RYR3: variants seen among roughly 807,000 people sequenced by gnomAD.
RYR3 encodes ryanodine receptor 3.
Under a neutral mutation model 584.3 loss-of-function variants are expected in RYR3, and 207 were observed. That is an observed-to-expected ratio of 0.35 (90% CI 0.32 to 0.40). The LOEUF (loss-of-function observed/expected upper bound fraction) is 0.40, where lower values mean the gene tolerates loss of function less well. Among genes scored for constraint, RYR3 ranks in the 10% least tolerant of loss-of-function variants. RYR3 has a pLI of 1.00. For missense variants in RYR3, 5,616 were observed against 6,089.2 expected, an observed-to-expected ratio of 0.92 and a Z score of 2.59; for synonymous variants, 2,416 against 2,248.5, an observed-to-expected ratio of 1.07 and a Z score of -2.11.
At position 33,540,796 on chromosome 15, in the gene RYR3, C is replaced by T; in HGVS notation, c.552C>T (p.Leu184=). 2.5e-6 allele frequency: 4 copies of T among 1,601,436 alleles called. No homozygotes were observed. The highest frequency in any genetic ancestry group is 3.4e-6 in the Non-Finnish European group (4 of 1,168,724). Residue 184 remains leucine, a synonymous_variant, in exon 7 of 104, where the codon CTC becomes CTT. Coordinates refer to ENST00000634891, the MANE Select transcript of RYR3 (RefSeq NM_001036.6). ...CATTTCTGTTTCTGCTGCAGCATCTCTCAGTATCAAATGGTAACATACAAG... is the reference window on the plus strand; with the variant it reads ...CATTTCTGTTTCTGCTGCAGCATCTTTCAGTATCAAATGGTAACATACAAG... The part of the protein sequence containing the change: ...VSVSSERYLH[L]SVSNGNIQVD...
Position 33,750,304 on chromosome 15 carries a change from T to C in RYR3, c.8399+18T>C, listed in dbSNP as rs2071153798. On this transcript the variant is annotated intron_variant, in intron 57 of 103. Transcript: ENST00000634891. ...GTTTCCAGGTAAGTCACCTTCCATG[T>C]GATGCTAGTGGGACAGGGCTGTGCC... The C allele has an allele frequency of 6.2e-7, 1 of 1,608,770 alleles. No individual in the cohort carries two copies. The highest frequency in any genetic ancestry group is 1.7e-5 in the Admixed American group (1 of 59,560).
rs375998723 is a variant in RYR3 at position 33,311,056 on chromosome 15, G to T, written c.11G>T (p.Gly4Val). 8.8e-6 allele frequency: 14 copies of T among 1,582,894 alleles called. No homozygotes were observed. The highest frequency in any genetic ancestry group is 7.1e-5 in the Admixed American group (4 of 56,648). MAE[G>V]GEGGEDEIQF... ...GACGCCTCGGGAGCCATGGCCGAAGGGGGAGAAGGAGGCGAGGACGAGATC... is the reference window on the plus strand; with the variant it reads ...GACGCCTCGGGAGCCATGGCCGAAGTGGGAGAAGGAGGCGAGGACGAGATC... The change falls in exon 1 of 104, where the codon GGG becomes GTG. Residue 4 changes from glycine to valine, a missense_variant. Physicochemically the swap from Gly to Val is moderately radical, Grantham distance 109 (BLOSUM62 -3). Coordinates refer to ENST00000634891, the MANE Select transcript of RYR3 (RefSeq NM_001036.6). This position sits in a 1 kb window ranked among gnomAD's most constrained non-coding sequence, Gnocchi z 4.4.
At chr15:33,821,192 C>G (rs1434456058) in intron 78 of RYR3, 78 bp from the exon 79 acceptor site, 2 of 1,151,906 alleles carry the variant, frequency 1.7e-6, no homozygotes, top group Non-Finnish European at 2.5e-6. Flanking sequence ...CTGGAAAATT[C>G]TCTCTCACCT....
chr15:33,861,035 T>TATTATGCCA, intron 101 of RYR3, 43 bp from the exon 102 acceptor site: 2 of 1,395,114 alleles, frequency 1.4e-6, no homozygotes, highest in South Asian at 2.5e-5. Flanking sequence ...CTCCTGCCTA[T>TATTATGCCA]ATTATGCCAA....
intron 3 of RYR3, among the ~76,000 whole-genome samples, chr15:33,510,637 C>T (rs1339940637): frequency 2.0e-5 from 3 of 147,484 alleles, no homozygotes; most frequent in Non-Finnish European, 4.5e-5. Flanking sequence ...TGAATTTTCT[C>T]GTGGAATTTT....
rs992133718 is a variant in RYR3 at position 33,786,000 on chromosome 15, C to G, written c.9589+18C>G. On this transcript the variant is annotated intron_variant, in intron 66 of 103. Transcript: ENST00000634891. ...CATTGCAGGTACCGACCCCTTTCTCCCCAGTCCCCAGCCCAGGGGCCAAGA... is the reference window on the plus strand; with the variant it reads ...CATTGCAGGTACCGACCCCTTTCTCGCCAGTCCCCAGCCCAGGGGCCAAGA... 6.6e-7 allele frequency: 1 copy of G among 1,519,494 alleles called. No individual in the cohort carries two copies. The highest frequency in any genetic ancestry group is 1.4e-5 in the African/African-American group (1 of 72,256). The allele number at this position is 1,519,494 out of a possible 1,614,324, so 94.1% of individuals were successfully genotyped here.
chr15:33,853,563 C>G lies in RYR3; in HGVS notation c.13680C>G (p.Asn4560Lys), dbSNP rs1370321493. 5.0e-6 allele frequency: 8 copies of G among 1,613,530 alleles called. No homozygotes were observed. The highest frequency in any genetic ancestry group is 6.8e-6 in the Non-Finnish European group (8 of 1,179,744). Reference sequence around the variant, plus strand: ...GTCATCCTTTGCTTCAGGTGATCAACAAGTATGGAGATCTCTACGGAGCAG... The same window carrying G: ...GTCATCCTTTGCTTCAGGTGATCAAGAAGTATGGAGATCTCTACGGAGCAG... ...WDKFVKRKVINKYGDLYGAER... is the reference protein window; with the variant it reads ...WDKFVKRKVIKKYGDLYGAER... Residue 4560 changes from asparagine (N) to lysine (K), a missense_variant, in exon 96 of 104, where the codon AAC (asparagine) becomes AAG (lysine). By Grantham distance (94) the Asn-to-Lys change is moderately conservative. Transcript: ENST00000634891.
At chr15:33,477,970 C>A (rs1031546403) in intron 2 of RYR3, among the ~76,000 whole-genome samples, 1 of 148,932 alleles carries the variant, frequency 6.7e-6, no homozygotes, top group Non-Finnish European at 1.5e-5. Context: ...TTCATTTTAT[C>A]GATAGCAAAT....
At chr15:33,621,760 GA>G (rs1400537712) in intron 19 of RYR3, among the ~76,000 whole-genome samples, 1 of 151,956 alleles carries the variant, frequency 6.6e-6, no homozygotes, top group East Asian at 1.9e-4. Context: ...TATTGGGAAG[GA>G]AAAAAACCTT....
intron 1 of RYR3, among the ~76,000 whole-genome samples, chr15:33,353,856 C>T (rs562149195): frequency 6.6e-6 from 1 of 151,982 alleles, no homozygotes; most frequent in Non-Finnish European, 1.5e-5. Flanking sequence ...CTTTGTAACA[C>T]CTATGTGAAA....
intron 66 of RYR3, 47 bp downstream of exon 66, chr15:33,786,029 C>T: frequency 1.4e-6 from 2 of 1,418,426 alleles, no homozygotes; most frequent in Non-Finnish European, 1.9e-6. Context: ...GCCAAGATAA[C>T]TGGATTCTTT....
In RYR3 at chr15:33,488,108, T is replaced by C. The variant is rs547914924; in HGVS notation, c.171+14570T>C. ...TCATCTATATTGTCCTCCTTCCTAC[T>C]TGAGTTATTAATGCTGTCTTGATAA... On this transcript the variant is annotated intron_variant, in intron 2 of 103. Transcript: ENST00000634891. 2.0e-3 allele frequency among the ~76,000 whole-genome samples: 306 copies of C among 152,350 alleles called. 1 individual carries two copies. The highest frequency in any genetic ancestry group is 7.3e-3 in the African/African-American group (303 of 41,586).
rs116122636 is a variant in RYR3, at chr15:33,781,959, T to C, written c.9268+1618T>C. On this transcript the variant is annotated intron_variant, in intron 65 of 103. Transcript: ENST00000634891. Reference sequence around the variant, plus strand: ...GGAAGCTGAGCAGCAGAGCAGACTTTGGTGAAGTTGAGAAGTGGCTGTGAC... The same window carrying C: ...GGAAGCTGAGCAGCAGAGCAGACTTCGGTGAAGTTGAGAAGTGGCTGTGAC... 4.9e-3 allele frequency among the ~76,000 whole-genome samples: 739 copies of C among 152,160 alleles called. 4 individuals are homozygous for C. Among genetic ancestry groups the C allele is most frequent in the African/African-American group, 0.017 (690 of 41,500 alleles).
intron 38 of RYR3, among the ~76,000 whole-genome samples, chr15:33,677,360 C>T (rs575627787): frequency 2.6e-5 from 4 of 152,212 alleles, no homozygotes; most frequent in South Asian, 4.1e-4. Context: ...GACAGAGGCC[C>T]GAGGTCCCTG....
At chr15:33,744,964 A>G (rs894519440) in intron 52 of RYR3, among the ~76,000 whole-genome samples, 24 of 152,296 alleles carry the variant, frequency 1.6e-4, no homozygotes, top group African/African-American at 5.3e-4. Flanking sequence ...AGTGTAGAAA[A>G]TGAATCCATG....
chr15:33,800,710 G>C lies in RYR3; in HGVS notation c.9831-60G>C, dbSNP rs190153179. The C allele has an allele frequency of 1.3e-4, 155 of 1,186,264 alleles. No individual in the cohort carries two copies. The Admixed American group carries it at 2.2e-3, about 17-fold the overall frequency. The allele number at this position is 1,186,264 out of a possible 1,614,324, so 73.5% of individuals were successfully genotyped here. A position where few individuals can be genotyped will look rare whatever the true frequency, so the allele number is the denominator to read the frequency against. ...CTCCAGTGCTGGTATAATTTTTAGA[G>C]TGTGAATATTTTAATCTCTACTGAA... On this transcript the variant is annotated intron_variant, in intron 67 of 103. Coordinates refer to ENST00000634891, the MANE Select transcript of RYR3 (RefSeq NM_001036.6).
At chr15:33,801,166 C>T (rs1024753296) in intron 68 of RYR3, among the ~76,000 whole-genome samples, 1 of 152,088 alleles carries the variant, frequency 6.6e-6, no homozygotes, top group African/African-American at 2.4e-5. Context: ...AGGTAGTGGG[C>T]GTCCAGGTCA....
chr15:33,662,837 G>A lies in RYR3; in HGVS notation c.5307G>A (p.Glu1769=). Residue 1769 remains glutamate, a synonymous_variant, in exon 35 of 104, where the codon GAG becomes GAA. Transcript: ENST00000634891. ...GGACAGAGGAGGGAGCAGAAAAGGA[G>A]GAAGTGACCCAGGTGGAGGAGAAGG... ...SAGTEEGAEK[E]EVTQVEEKAV... 6.2e-7 allele frequency: 1 copy of A among 1,613,960 alleles called. No homozygotes were observed. The highest frequency in any genetic ancestry group is 2.2e-5 in the East Asian group (1 of 44,886).
intron 67 of RYR3, among the ~76,000 whole-genome samples, chr15:33,793,876 A>T (rs950199678): frequency 2.7e-5 from 4 of 148,652 alleles, no homozygotes; most frequent in Non-Finnish European, 5.9e-5. Flanking sequence ...TATATTTAGC[A>T]TTCCAATAGA....
Sources: allele counts gnomAD v4.1 joint callset (sites outside exome capture counted in the v4.1 genomes callset), GRCh38; gene constraint gnomAD v4.1.1; non-coding constraint Gnocchi (gnomAD v3.1); transcripts MANE v1.5; gene names NCBI Gene and HGNC (gene_info 2026-07-23, HGNC 2026-07-21).